The following NUP43 variants were observed in gnomAD, a reference collection of about 807,000 sequenced individuals.
NUP43 encodes the protein nucleoporin 43.
A neutral mutation model predicts 47.3 loss-of-function variants in NUP43; 32 were observed. The ratio of observed to expected loss-of-function variants is 0.68; its 90% CI spans 0.51 to 0.91. The LOEUF (loss-of-function observed/expected upper bound fraction) is 0.91, where lower values mean the gene tolerates loss of function less well. Ranked by LOEUF, NUP43 falls within the 40% of genes least tolerant of loss-of-function variation. The pLI is 0.00. For missense variants in NUP43, 444 were observed against 453.9 expected (o/e 0.98, Z 0.20); for synonymous variants, 147 against 158.4 (o/e 0.93, Z 0.54).
rs774156066 is a variant in NUP43 at position 149,727,204 on chromosome 6, AG to A, written c.914-7del. The A allele has an allele frequency of 4.5e-5, 73 of 1,608,578 alleles. No homozygotes were observed. In the African/African-American group the frequency reaches 7.0e-4, roughly 15 times the overall value. ...AAAAGTACTGCTTCTTCCTCCTGGG[AG>A]AAAAAAAGAAAAGGAAGAAATCTTT... is the stretch of plus-strand genomic sequence containing the variant. On this transcript the variant is annotated splice_region_variant and splice_polypyrimidine_tract_variant and intron_variant, in intron 7 of 7. Transcript: ENST00000340413.
chr6:149,728,560 G>T, intron 7 of NUP43: 1 of 384,904 alleles, frequency 2.6e-6, no homozygotes, highest in Non-Finnish European at 3.6e-6. Context: ...GCTCTTGGAC[G>T]CTGTAAAGAT....
rs551777153 is a variant in NUP43 at position 149,732,814 on chromosome 6, C to T, written c.791-1079G>A. 2.0e-4 allele frequency among the ~76,000 whole-genome samples: 30 copies of T among 152,222 alleles called. 1 individual carries two copies. The highest frequency in any genetic ancestry group is 7.2e-4 in the African/African-American group (30 of 41,548). On this transcript the variant is annotated intron_variant, in intron 6 of 7. Transcript: ENST00000340413. ...GAGCTGAGATTGCATCACTGCACTC[C>T]AGCCTGGGCAAAAAGAGCAAAACTA... is the stretch of plus-strand genomic sequence containing the variant.
At chr6:149,739,421 G>T (rs186915317) in intron 4 of NUP43, among the ~76,000 whole-genome samples, 79 of 151,812 alleles carry the variant, frequency 5.2e-4, no homozygotes, top group African/African-American at 1.9e-3. Flanking sequence ...CTAGTACCTG[G>T]GATTACAGGT....
chr6:149,741,369 TTG>T (rs1450517395), intron 4 of NUP43, among the ~76,000 whole-genome samples: 13 of 152,078 alleles, frequency 8.5e-5, no homozygotes, highest in Non-Finnish European at 1.6e-4. Flanking sequence ...AGATGGGGTT[TTG>T]CAATATTGGT....
intron 7 of NUP43, among the ~76,000 whole-genome samples, chr6:149,731,116 A>G (rs1785018462): frequency 6.6e-6 from 1 of 151,822 alleles, no homozygotes; most frequent in South Asian, 2.1e-4. Flanking sequence ...AAAAATACAA[A>G]AAAATTAGCC....
chr6:149,727,681 T>A, intron 7 of NUP43: 1 of 869,320 alleles, frequency 1.2e-6, no homozygotes, highest in Non-Finnish European at 1.4e-6. Flanking sequence ...TTACTATATT[T>A]CTTAAAATAT....
intron 5 of NUP43, among the ~76,000 whole-genome samples, chr6:149,737,391 C>G (rs886333398): frequency 6.6e-6 from 1 of 151,940 alleles, no homozygotes; most frequent in African/African-American, 2.4e-5. Flanking sequence ...AGCCTTTTGC[C>G]TCAGCCTCCC....
chr6:149,748,300 C>G (rs894742054), upstream of NUP43, among the ~76,000 whole-genome samples: 4 of 152,166 alleles, frequency 2.6e-5, no homozygotes, highest in African/African-American at 9.7e-5. Flanking sequence ...GCCTGGGCTA[C>G]AGAGTGAGAC....
intron 7 of NUP43, chr6:149,729,509 G>A (rs1182746921): frequency 4.1e-6 from 4 of 984,244 alleles, no homozygotes; most frequent in Admixed American, 6.2e-5. Context: ...TTGAGGGAGC[G>A]CCTTTTCTCC....
At position 149,746,440 on chromosome 6, in the gene NUP43, C is replaced by T; in HGVS notation, c.56G>A (p.Arg19Gln). Residue 19 changes from arginine (R) to glutamine (Q), a missense_variant, in exon 1 of 8, where the codon CGA becomes CAA. Coordinates refer to ENST00000340413, the MANE Select transcript of NUP43 (RefSeq NM_198887.3). ...CTGTAAACTTCCCGGAGGCAGCGGTCGCCAGCGGGTTTTGCTGATTTTCTG... is the reference window on the plus strand; with the variant it reads ...CTGTAAACTTCCCGGAGGCAGCGGTTGCCAGCGGGTTTTGCTGATTTTCTG... The part of the protein sequence containing the change: ...VSQKISKTRW[R>Q]PLPPGSLQTA... 1 of 1,614,176 alleles carries T rather than the reference C, an allele frequency of 6.2e-7. No individual in the cohort carries two copies. Among genetic ancestry groups the T allele is most frequent in the Non-Finnish European group, 8.5e-7 (1 of 1,180,038 alleles).
chr6:149,731,841 C>T, intron 6 of NUP43, 106 bp from the exon 7 acceptor site: 1 of 1,174,188 alleles, frequency 8.5e-7, no homozygotes, highest in South Asian at 1.4e-5. Context: ...CATCACATAC[C>T]TTCGAGCCTC....
intron 4 of NUP43, among the ~76,000 whole-genome samples, chr6:149,740,551 C>T (rs1307710538): frequency 6.6e-6 from 1 of 152,082 alleles, no homozygotes; most frequent in African/African-American, 2.4e-5. Context: ...ATCGCGTGAA[C>T]CCAGGAGGTG....
chr6:149,748,808 CAAAAAAAAAA>C (rs1161065299), upstream of NUP43, among the ~76,000 whole-genome samples: 41,248 of 87,406 alleles, frequency 0.47, 7,895 homozygotes, highest in East Asian at 0.82. Context: ...GACTCCGTCT[CAAAAAAAAAA>C]AAAAAAAAAA....
intron 7 of NUP43, 172 bp downstream of exon 7, chr6:149,731,441 T>C (rs1582961364): frequency 4.1e-6 from 2 of 489,220 alleles, no homozygotes; most frequent in Non-Finnish European, 7.2e-6. Flanking sequence ...GCATGACTAG[T>C]AGTCCTGGCT....
At chr6:149,747,927 G>T (rs1786097834), upstream of NUP43, among the ~76,000 whole-genome samples, 1 of 152,210 alleles carries the variant, frequency 6.6e-6, no homozygotes, top group Non-Finnish European at 1.5e-5. Flanking sequence ...CCAAATGGAA[G>T]ATCATCAAGA....
rs1024299261 is a variant in NUP43 at position 149,746,441 on chromosome 6, G to A, written c.55C>T (p.Arg19Ter). The A allele has an allele frequency of 1.6e-5, 26 of 1,614,170 alleles. No individual in the cohort carries two copies. The highest frequency in any genetic ancestry group is 2.2e-5 in the Non-Finnish European group (26 of 1,180,030). Residue 19 changes from arginine (R) to a stop codon, truncating the protein, a stop_gained, in exon 1 of 8, where the codon CGA (arginine) becomes TGA (stop). Transcript: ENST00000340413. LOFTEE classifies it high-confidence loss of function. The part of the protein sequence containing the change: ...VSQKISKTRW[R>*]PLPPGSLQTA... ...TGTAAACTTCCCGGAGGCAGCGGTC[G>A]CCAGCGGGTTTTGCTGATTTTCTGG...
intron 4 of NUP43, among the ~76,000 whole-genome samples, chr6:149,739,791 C>T (rs1025757658): frequency 6.6e-6 from 1 of 152,156 alleles, no homozygotes; most frequent in Admixed American, 6.6e-5. Flanking sequence ...TATTATTCTG[C>T]AGACTCATCC....
At chr6:149,733,225 G>C (rs1311500898) in intron 6 of NUP43, among the ~76,000 whole-genome samples, 1 of 152,092 alleles carries the variant, frequency 6.6e-6, no homozygotes, top group Non-Finnish European at 1.5e-5. Context: ...CCAAGATTCT[G>C]AATACTTCTG....
intron 6 of NUP43, among the ~76,000 whole-genome samples, chr6:149,733,034 T>C (rs1192344163): frequency 6.6e-6 from 1 of 152,104 alleles, no homozygotes; most frequent in African/African-American, 2.4e-5. Flanking sequence ...ATTATAGGTG[T>C]GTGCCCAGCT....
Sources: gnomAD v4.1 joint callset for allele counts (sites outside exome capture counted in the v4.1 genomes callset) on GRCh38, gnomAD v4.1.1 for gene constraint, MANE v1.5 for transcripts, NCBI Gene and HGNC (gene_info 2026-07-23, HGNC 2026-07-21) for gene names.